The following SEMA5A variants were observed in gnomAD, a reference collection of about 807,000 sequenced individuals.
SEMA5A encodes the protein semaphorin 5A.
In SEMA5A, 55 loss-of-function variants were observed where a neutral mutation model predicts 135.5. The ratio of observed to expected loss-of-function variants is 0.41; its 90% CI spans 0.33 to 0.51. The LOEUF (loss-of-function observed/expected upper bound fraction) is 0.51. SEMA5A is among the 20% of genes least tolerant of loss of function. The pLI is 0.37. For missense variants in SEMA5A, 1,290 were observed against 1,419.9 expected (o/e 0.91, Z 1.47); for synonymous variants, 580 against 546.5 (o/e 1.06, Z -0.85).
chr5:9,467,404 G>A (rs1396813491), intron 1 of SEMA5A, among the ~76,000 whole-genome samples: 4 of 152,070 alleles, frequency 2.6e-5, no homozygotes, highest in Non-Finnish European at 5.9e-5. Flanking sequence ...GAGCCACCGC[G>A]CCCGGCTGCA....
At position 9,064,712 on chromosome 5, in the gene SEMA5A, G is replaced by T. The variant is rs369542780; in HGVS notation, c.2300-1607C>A. 2.6e-5 allele frequency among the ~76,000 whole-genome samples: 4 copies of T among 152,140 alleles called. No homozygotes were observed. In the East Asian group the frequency reaches 7.7e-4, roughly 29 times the overall value. ...ACTGTACTCCAGCCTGGGCAACAGA[G>T]CGAGACCCTGTCTCAACAAACAAAC... On this transcript the variant is annotated intron_variant, in intron 17 of 22. Transcript: ENST00000382496.
chr5:9,187,135 CT>C (rs1418147315), intron 11 of SEMA5A, among the ~76,000 whole-genome samples: 2 of 151,786 alleles, frequency 1.3e-5, no homozygotes, highest in African/African-American at 4.8e-5. Context: ...TTATTTGGCT[CT>C]TAGAGGGTTA....
chr5:9,211,555 C>T (rs569444236), intron 8 of SEMA5A, among the ~76,000 whole-genome samples: 2 of 152,210 alleles, frequency 1.3e-5, no homozygotes, highest in South Asian at 2.1e-4. Context: ...CAGGTTGGAG[C>T]CCAACAAAGT....
At chr5:9,493,990 C>A (rs1473269344) in intron 1 of SEMA5A, among the ~76,000 whole-genome samples, 2 of 152,068 alleles carry the variant, frequency 1.3e-5, no homozygotes, top group Admixed American at 6.6e-5. Context: ...AAATATTGTA[C>A]CTATTTTTGG....
intron 2 of SEMA5A, among the ~76,000 whole-genome samples, chr5:9,399,952 T>C (rs1405466283): frequency 1.3e-5 from 2 of 152,156 alleles, no homozygotes; most frequent in South Asian, 2.1e-4. Context: ...AAAAGAGCCA[T>C]ATACACCGTG....
At chr5:9,113,786 G>C (rs1228651695) in intron 15 of SEMA5A, among the ~76,000 whole-genome samples, 1 of 152,048 alleles carries the variant, frequency 6.6e-6, no homozygotes, top group Non-Finnish European at 1.5e-5. Flanking sequence ...ATAAAATTAA[G>C]GAAAAACAAA....
Position 9,175,890 on chromosome 5 carries a change from T to C in SEMA5A, c.1273+14377A>G, listed in dbSNP as rs531229769. On this transcript the variant is annotated intron_variant, in intron 11 of 22. Coordinates refer to ENST00000382496, the MANE Select transcript of SEMA5A (RefSeq NM_003966.3). ...TTTTGGGGGATGAGAATAAGAGGTG[T>C]CATCTGTAAGACAGAGGGCATCTAA... Among the ~76,000 whole-genome samples the C allele has an allele frequency of 1.6e-3, 237 of 152,316 alleles. 1 individual carries two copies. Among genetic ancestry groups the C allele is most frequent in the Non-Finnish European group, 2.9e-3 (199 of 68,030 alleles).
At chr5:9,250,890 A>C (rs1169418080) in intron 5 of SEMA5A, among the ~76,000 whole-genome samples, 1 of 152,182 alleles carries the variant, frequency 6.6e-6, no homozygotes, top group Non-Finnish European at 1.5e-5. Context: ...CTAACAAATT[A>C]AGATTTTCAT....
chr5:9,220,935 C>T (rs1460877060), intron 8 of SEMA5A, among the ~76,000 whole-genome samples: 1 of 152,150 alleles, frequency 6.6e-6, no homozygotes, highest in Non-Finnish European at 1.5e-5. Context: ...GAGTTTAAGA[C>T]TGCCGTCCTC....
intron 4 of SEMA5A, among the ~76,000 whole-genome samples, chr5:9,333,946 C>G (rs901879953): frequency 3.3e-5 from 5 of 152,004 alleles, no homozygotes; most frequent in Non-Finnish European, 7.4e-5. Context: ...ACTGTTGATG[C>G]ATTTAACATA....
At chr5:9,374,150 G>T (rs903974129) in intron 3 of SEMA5A, among the ~76,000 whole-genome samples, 2 of 152,132 alleles carry the variant, frequency 1.3e-5, no homozygotes, top group African/African-American at 4.8e-5. Flanking sequence ...AAATATTCCA[G>T]AACACAGAGT....
chr5:9,375,490 A>G (rs1156941901), intron 3 of SEMA5A, among the ~76,000 whole-genome samples: 1 of 151,722 alleles, frequency 6.6e-6, no homozygotes, highest in Non-Finnish European at 1.5e-5. Context: ...GAGGAAGCAG[A>G]GATCGGTTCT....
chr5:9,197,127 T>C (rs1445107063), intron 10 of SEMA5A, 41 bp downstream of exon 10: 7 of 1,612,756 alleles, frequency 4.3e-6, no homozygotes, highest in African/African-American at 1.3e-5. Context: ...GCATTCTTCA[T>C]GGGGGATGCC....
chr5:9,322,535 G>T (rs928586260), intron 4 of SEMA5A, among the ~76,000 whole-genome samples: 2 of 152,080 alleles, frequency 1.3e-5, no homozygotes, highest in African/African-American at 2.4e-5. Flanking sequence ...TTTCTGGGTT[G>T]CAAGATAAAA....
intron 2 of SEMA5A, chr5:9,380,272 G>GT (rs1755541659): frequency 4.2e-6 from 1 of 240,182 alleles, no homozygotes; most frequent in African/African-American, 2.2e-5. Flanking sequence ...TAGCCCATTT[G>GT]TTTTAAACGA....
chr5:9,372,539 C>T (rs1201611214), intron 3 of SEMA5A, among the ~76,000 whole-genome samples: 1 of 151,824 alleles, frequency 6.6e-6, no homozygotes, highest in African/African-American at 2.4e-5. Context: ...TACATGGACA[C>T]ACATAAAGAC....
intron 16 of SEMA5A, among the ~76,000 whole-genome samples, chr5:9,095,528 G>A (rs1376806085): frequency 6.6e-6 from 1 of 152,180 alleles, no homozygotes; most frequent in East Asian, 1.9e-4. Flanking sequence ...TGGGAAGAAA[G>A]AAACAATGGA....
intron 21 of SEMA5A, among the ~76,000 whole-genome samples, chr5:9,047,409 T>C (rs1039904152): frequency 1.3e-5 from 2 of 152,288 alleles, no homozygotes; most frequent in South Asian, 2.1e-4. Context: ...GACAAAAAAT[T>C]TGAATTGAAG....
intron 11 of SEMA5A, among the ~76,000 whole-genome samples, chr5:9,173,096 A>G (rs1240207124): frequency 6.6e-6 from 1 of 152,004 alleles, no homozygotes; most frequent in Admixed American, 6.5e-5. Flanking sequence ...TGCTGTTTCC[A>G]TATTGTTTCT....
Sources: gnomAD v4.1 joint callset for allele counts (sites outside exome capture counted in the v4.1 genomes callset) on GRCh38, gnomAD v4.1.1 for gene constraint, MANE v1.5 for transcripts, NCBI Gene and HGNC (gene_info 2026-07-23, HGNC 2026-07-21) for gene names.